Variants in SAMD8 observed in about 807,000 individuals in gnomAD.
SAMD8 encodes the protein sphingomyelin synthase-related protein 1.
In SAMD8, 20 loss-of-function variants were observed where a neutral mutation model predicts 42.0. That is an observed-to-expected ratio of 0.48 (90% CI 0.34 to 0.69). The LOEUF (loss-of-function observed/expected upper bound fraction) is 0.69. Ranked by LOEUF, SAMD8 falls within the 30% of genes least tolerant of loss-of-function variation. The pLI, the probability that SAMD8 is intolerant of heterozygous loss-of-function variation, is 0.01. For missense variants in SAMD8, 328 were observed against 511.6 expected, an observed-to-expected ratio of 0.64 and a Z score of 3.46; for synonymous variants, 162 against 173.0, an observed-to-expected ratio of 0.94 and a Z score of 0.50.
chr10:75,147,097 A>G (rs1564686420), intron 1 of SAMD8, among the ~76,000 whole-genome samples: 1 of 152,212 alleles, frequency 6.6e-6, no homozygotes, highest in African/African-American at 2.4e-5. Flanking sequence ...ATCAAAGCCT[A>G]TTAGCCTGAT....
chr10:75,176,523 T>C lies in SAMD8; in HGVS notation c.1079T>C (p.Phe360Ser). Residue 360 changes from phenylalanine (F) to serine (S), a missense_variant, in exon 6 of 6, where the codon TTT becomes TCT. This residue lies in a region of SAMD8 where 178 missense variants were observed against 325.6 expected (regional missense o/e 0.55). Transcript: ENST00000542569. The surrounding 1 kb of genome is among the most constrained non-coding windows in gnomAD (Gnocchi z 4.3). The stretch of plus-strand genomic sequence containing the variant: ...GCTTTTTATATAACAACAAGACTCT[T>C]TTTGTACTACCATACTCTGGCCAAT... ...FIAFYITTRL[F>S]LYYHTLANTR... is the part of the protein sequence containing the mutation. The C allele has an allele frequency of 6.4e-7, 1 of 1,550,634 alleles. No individual in the cohort carries two copies. Among genetic ancestry groups the C allele is most frequent in the Non-Finnish European group, 8.7e-7 (1 of 1,146,994 alleles).
chr10:75,155,349 GGAA>G (rs1282823610), intron 2 of SAMD8, among the ~76,000 whole-genome samples: 13 of 152,206 alleles, frequency 8.5e-5, no homozygotes, highest in Middle Eastern at 6.8e-3. Flanking sequence ...CAGATGTCAA[GGAA>G]GAGATGGAAA....
chr10:75,105,541 T>G (rs1848438448), intron 1 of SAMD8: 1 of 1,026,312 alleles, frequency 9.7e-7, no homozygotes, highest in South Asian at 1.6e-5. Flanking sequence ...AATCCTCACT[T>G]CCAGCCACAC....
chr10:75,149,346 CT>C (rs1840226041), intron 1 of SAMD8, among the ~76,000 whole-genome samples: 1 of 152,036 alleles, frequency 6.6e-6, no homozygotes, highest in African/African-American at 2.4e-5. Context: ...AACATAGCAC[CT>C]TATTGGCCTT....
intron 2 of SAMD8, among the ~76,000 whole-genome samples, chr10:75,162,537 T>G (rs533886866): frequency 6.8e-6 from 1 of 146,674 alleles, no homozygotes; most frequent in Non-Finnish European, 1.5e-5. Flanking sequence ...TAATCCCAGC[T>G]ACTTGGGAGG....
At chr10:75,104,137 C>G in intron 1 of SAMD8, 1 of 1,297,346 alleles carries the variant, frequency 7.7e-7, no homozygotes, top group Non-Finnish European at 1.0e-6. Context: ...GCAGGTGAAC[C>G]AAGGCCCAGG....
At chr10:75,122,111 AC>A (rs1849018359) in intron 1 of SAMD8, among the ~76,000 whole-genome samples, 2 of 152,154 alleles carry the variant, frequency 1.3e-5, no homozygotes, top group Admixed American at 6.5e-5. Flanking sequence ...TCTTAAAAAA[AC>A]CTTTTCTCTC....
intron 2 of SAMD8, among the ~76,000 whole-genome samples, chr10:75,151,468 C>T (rs1194103992): frequency 6.6e-6 from 1 of 151,724 alleles, no homozygotes; most frequent in Non-Finnish European, 1.5e-5. Flanking sequence ...ATCCTCCCAC[C>T]TCAGCCTCCC....
chr10:75,127,310 C>A (rs970334630), intron 1 of SAMD8, among the ~76,000 whole-genome samples: 8 of 152,128 alleles, frequency 5.3e-5, no homozygotes, highest in Non-Finnish European at 8.8e-5. Flanking sequence ...CAAGAGCCCT[C>A]AGTTCATGTG....
chr10:75,101,700 C>T (rs1158258749), intron 1 of SAMD8, among the ~76,000 whole-genome samples: 1 of 152,184 alleles, frequency 6.6e-6, no homozygotes, highest in Non-Finnish European at 1.5e-5. Context: ...ACCCAGGTCT[C>T]TCTGACTCTA....
chr10:75,116,072 ATTATAT>A (rs1429220869), intron 1 of SAMD8, among the ~76,000 whole-genome samples: 3 of 151,812 alleles, frequency 2.0e-5, no homozygotes, highest in Admixed American at 1.3e-4. Flanking sequence ...AGGGCAGTGA[ATTATAT>A]TTATATTTGT....
intron 2 of SAMD8, among the ~76,000 whole-genome samples, chr10:75,158,174 AAAAG>A (rs975194523): frequency 5.3e-5 from 8 of 151,960 alleles, no homozygotes; most frequent in African/African-American, 1.7e-4. Context: ...AAAAAAGAAA[AAAAG>A]AAGGAAGTAA....
chr10:75,117,665 C>T (rs968755694), intron 1 of SAMD8, among the ~76,000 whole-genome samples: 8 of 151,766 alleles, frequency 5.3e-5, no homozygotes, highest in Admixed American at 2.0e-4. Context: ...TGCAGTGAGC[C>T]GAGATTGCGC....
intron 3 of SAMD8, among the ~76,000 whole-genome samples, chr10:75,166,362 A>T (rs1840678900): frequency 6.6e-6 from 1 of 151,822 alleles, no homozygotes; most frequent in African/African-American, 2.4e-5. Flanking sequence ...GGGGCTTTTT[A>T]AAAAACTGTA....
chr10:75,147,080 C>G lies in SAMD8; in HGVS notation c.-15-3434C>G, dbSNP rs75376538. Among the ~76,000 whole-genome samples, 2 of 152,072 alleles carry G rather than the reference C, an allele frequency of 1.3e-5. 1 individual carries two copies. Among genetic ancestry groups the G allele is most frequent in the South Asian group, 4.1e-4 (2 of 4,824 alleles). On this transcript the variant is annotated intron_variant, in intron 1 of 5. Transcript: ENST00000542569. The stretch of plus-strand genomic sequence containing the variant: ...AACTTATATTTTCTAGCAGCTAAAA[C>G]GTCAGCATCAAAGCCTATTAGCCTG...
chr10:75,105,728 C>A, intron 1 of SAMD8: 2 of 1,554,520 alleles, frequency 1.3e-6, no homozygotes, highest in Non-Finnish European at 1.7e-6. Flanking sequence ...TGCAGGAAGC[C>A]TCGGTTGGGG....
At chr10:75,108,933 C>T, upstream of SAMD8, 3 of 1,523,504 alleles carry the variant, frequency 2.0e-6, no homozygotes, top group Non-Finnish European at 2.7e-6. Context: ...TTTCCACCCT[C>T]CTGTGTCTGG....
chr10:75,121,568 A>G (rs1221370872), intron 1 of SAMD8, among the ~76,000 whole-genome samples: 2 of 152,206 alleles, frequency 1.3e-5, no homozygotes, highest in Non-Finnish European at 2.9e-5. Flanking sequence ...CACACTGTTA[A>G]TGGGTCATGG....
upstream of SAMD8, among the ~76,000 whole-genome samples, chr10:75,110,966 C>G (rs1393826330): frequency 6.6e-6 from 1 of 152,096 alleles, no homozygotes; most frequent in African/African-American, 2.4e-5. Context: ...CAGGTATGCA[C>G]CACCACGCCC....
Sources: gnomAD v4.1 joint callset for allele counts (sites outside exome capture counted in the v4.1 genomes callset) on GRCh38, gnomAD v4.1.1 for gene constraint, gnomAD v4.1.1 regional missense constraint, Gnocchi (gnomAD v3.1) non-coding constraint, MANE v1.5 for transcripts, NCBI Gene and HGNC (gene_info 2026-07-23, HGNC 2026-07-21) for gene names.